The following TNKS variants were observed in gnomAD, a reference collection of about 807,000 sequenced individuals.
TNKS encodes the protein tankyrase, also known as poly [ADP-ribose] polymerase tankyrase-1.
TNKS carries 72 observed loss-of-function variants against 135.8 expected under a neutral mutation model. That is an observed-to-expected ratio of 0.53 (90% CI 0.44 to 0.64). TNKS has a LOEUF of 0.64. TNKS is among the 30% of genes least tolerant of loss of function. TNKS has a pLI of 0.00. For synonymous variants in TNKS, 849 were observed against 649.3 expected (o/e 1.31, Z -4.68); for missense variants, 1,769 against 1,674.0 (o/e 1.06, Z -0.99).
At chr8:9,655,394 G>C (rs547423772) in intron 3 of TNKS, among the ~76,000 whole-genome samples, 2 of 152,304 alleles carry the variant, frequency 1.3e-5, no homozygotes, top group Admixed American at 1.3e-4. Flanking sequence ...GAAGAGAGTA[G>C]TGGTTCTCCC....
intron 25 of TNKS, among the ~76,000 whole-genome samples, chr8:9,768,549 C>G (rs754284992): frequency 6.6e-6 from 1 of 152,246 alleles, no homozygotes; most frequent in African/African-American, 2.4e-5. Context: ...AGTGAGCAGA[C>G]TTGAGCCAGC....
chr8:9,742,806 A>G (rs1806037159), intron 17 of TNKS, among the ~76,000 whole-genome samples: 1 of 150,212 alleles, frequency 6.7e-6, no homozygotes, highest in African/African-American at 2.4e-5. Context: ...ATTTAAGGAT[A>G]TACATGTATA....
rs370349163 is a variant in TNKS, at chr8:9,751,786, G to C, written c.3010G>C (p.Val1004Leu). 3.7e-6 allele frequency: 6 copies of C among 1,614,072 alleles called. No individual in the cohort carries two copies. The African/African-American group carries it at 8.0e-5, about 22-fold the overall frequency. ...CACTGGCCCTTTAGCAGAGTTGGCC[G>C]TAGGAGGAGCCTCCAATGCAGGGGA... Reference protein sequence around the residue: ...NLTGPLAELAVGGASNAGDGA... With the variant: ...NLTGPLAELALGGASNAGDGA... The change falls in exon 19 of 27, where the codon GTA becomes CTA. Residue 1004 changes from valine (V) to leucine (L), a missense_variant. Coordinates refer to ENST00000310430, the MANE Select transcript of TNKS (RefSeq NM_003747.3).
At chr8:9,559,711 A>T (rs1797251297) in intron 1 of TNKS, among the ~76,000 whole-genome samples, 1 of 152,114 alleles carries the variant, frequency 6.6e-6, no homozygotes, top group Non-Finnish European at 1.5e-5. Context: ...TGGTATTTGG[A>T]AATCATTTTT....
intron 3 of TNKS, among the ~76,000 whole-genome samples, chr8:9,640,388 G>T (rs1291180733): frequency 6.9e-6 from 1 of 145,960 alleles, no homozygotes; most frequent in East Asian, 2.1e-4. Flanking sequence ...CAATACTGTT[G>T]CACTGGGGAT....
intron 3 of TNKS, among the ~76,000 whole-genome samples, chr8:9,665,552 G>C (rs1408254257): frequency 6.6e-6 from 1 of 152,322 alleles, no homozygotes; most frequent in South Asian, 2.1e-4. Context: ...TTATGGTAAA[G>C]TTGTGCATCT....
At chr8:9,657,710 T>C (rs1432587453) in intron 3 of TNKS, among the ~76,000 whole-genome samples, 1 of 95,540 alleles carries the variant, frequency 1.0e-5, no homozygotes, top group African/African-American at 4.1e-5. Context: ...GGCTCCTCAC[T>C]TCCCAGTAGG....
At chr8:9,567,640 T>A (rs12541439) in intron 1 of TNKS, among the ~76,000 whole-genome samples, 3,100 of 152,196 alleles carry the variant, frequency 0.02, 51 homozygotes, top group East Asian at 0.044. Context: ...GATGGTCTCG[T>A]TCTCCTGATC....
chr8:9,741,906 C>T (rs911890998), intron 17 of TNKS: 1 of 231,762 alleles, frequency 4.3e-6, no homozygotes, highest in Non-Finnish European at 9.7e-6. Context: ...AACTCCCCTT[C>T]TCCTTTTCTA....
intron 12 of TNKS, among the ~76,000 whole-genome samples, chr8:9,721,636 A>G: frequency 6.6e-6 from 1 of 151,206 alleles, no homozygotes; most frequent in East Asian, 2.0e-4. Context: ...TCTTAACTCT[A>G]TCAGGTACAG....
intron 3 of TNKS, among the ~76,000 whole-genome samples, chr8:9,619,871 T>C (rs1799800180): frequency 6.6e-6 from 1 of 151,862 alleles, no homozygotes; most frequent in Admixed American, 6.6e-5. Context: ...AGTGAGGACT[T>C]AAATGCTCTG....
chr8:9,702,748 G>C (rs1248747085), intron 5 of TNKS, among the ~76,000 whole-genome samples: 1 of 152,190 alleles, frequency 6.6e-6, no homozygotes, highest in Non-Finnish European at 1.5e-5. Flanking sequence ...AAGCACAGTG[G>C]CTCACGCCTG....
Position 9,779,219 on chromosome 8 carries a change from G to C in TNKS, c.*2483G>C, listed in dbSNP as rs1295591917. ...ACTTGAAAACCAAAGGTCATCATGA[G>C]TGCACTCAAAAGTTAGGACAAGTTT... On this transcript the variant is annotated 3_prime_UTR_variant, in exon 27 of 27. Coordinates refer to ENST00000310430, the MANE Select transcript of TNKS (RefSeq NM_003747.3). 2 of 152,588 alleles carry C rather than the reference G, an allele frequency of 1.3e-5. No individual in the cohort carries two copies. The highest frequency in any genetic ancestry group is 2.9e-5 in the Non-Finnish European group (2 of 68,036). 9.5% of individuals were successfully genotyped at this position (152,588 alleles called of 1,614,324 possible). A position where few individuals can be genotyped will look rare whatever the true frequency, so the allele number is the denominator to read the frequency against.
At chr8:9,579,712 G>C (rs1029591962) in intron 1 of TNKS, among the ~76,000 whole-genome samples, 1 of 152,032 alleles carries the variant, frequency 6.6e-6, no homozygotes, top group African/African-American at 2.4e-5. Context: ...CAGGTGACCC[G>C]CCCACCTCGG....
chr8:9,734,746 G>A, intron 15 of TNKS, 119 bp from the exon 16 acceptor site: 1 of 829,494 alleles, frequency 1.2e-6, no homozygotes, highest in Non-Finnish European at 1.9e-6. Context: ...TTTTCAAAAT[G>A]CATATAGAGT....
chr8:9,765,490 A>G (rs1014890553), intron 23 of TNKS, among the ~76,000 whole-genome samples: 1 of 152,132 alleles, frequency 6.6e-6, no homozygotes, highest in Non-Finnish European at 1.5e-5. Context: ...CTGGTATAGA[A>G]CAACAAAAAC....
At chr8:9,707,586 GTCA>G (rs1804109976) in intron 8 of TNKS, among the ~76,000 whole-genome samples, 1 of 152,068 alleles carries the variant, frequency 6.6e-6, no homozygotes, top group African/African-American at 2.4e-5. Flanking sequence ...TTAGGTTGAG[GTCA>G]TCTTCTGAAT....
At chr8:9,707,092 A>G (rs756454285) in intron 8 of TNKS, 95 bp downstream of exon 8, 1 of 1,030,332 alleles carries the variant, frequency 9.7e-7, no homozygotes, top group Middle Eastern at 3.2e-4. Context: ...TTCCATTCTT[A>G]CAAGCAGACT....
intron 17 of TNKS, among the ~76,000 whole-genome samples, chr8:9,743,072 G>A (rs1806052144): frequency 6.6e-6 from 1 of 152,056 alleles, no homozygotes; most frequent in Admixed American, 6.6e-5. Flanking sequence ...GAAAAACACT[G>A]ATTATGTTGT....
Sources: gnomAD v4.1 joint callset for allele counts (sites outside exome capture counted in the v4.1 genomes callset) on GRCh38, gnomAD v4.1.1 for gene constraint, MANE v1.5 for transcripts, NCBI Gene and HGNC (gene_info 2026-07-23, HGNC 2026-07-21) for gene names.